The following SIK2 variants were observed in gnomAD, a reference collection of about 807,000 sequenced individuals.
SIK2 encodes serine/threonine-protein kinase SIK2.
A neutral mutation model predicts 103.2 loss-of-function variants in SIK2; 29 were observed. The observed-to-expected ratio is 0.28, with a 90% CI of 0.21 to 0.38. The LOEUF is 0.38. Among genes scored for constraint, SIK2 ranks in the 10% least tolerant of loss-of-function variants. SIK2 has a pLI of 1.00. For synonymous variants in SIK2, 412 were observed against 446.1 expected, an observed-to-expected ratio of 0.92 and a Z score of 0.96; for missense variants, 879 against 1,171.0, an observed-to-expected ratio of 0.75 and a Z score of 3.64.
At chr11:111,631,776 T>C (rs937293379) in intron 3 of SIK2, among the ~76,000 whole-genome samples, 2 of 152,194 alleles carry the variant, frequency 1.3e-5, no homozygotes, top group African/African-American at 2.4e-5. Flanking sequence ...GCCTTAGGTC[T>C]TTGCACTTTT....
intron 4 of SIK2, among the ~76,000 whole-genome samples, chr11:111,697,838 G>A (rs1591625021): frequency 6.6e-6 from 1 of 151,824 alleles, no homozygotes; most frequent in East Asian, 1.9e-4. Context: ...CCAAAAAAAG[G>A]AAAAGAAAAA....
At chr11:111,723,397 A>C (rs1425885322) in intron 14 of SIK2, 99 bp from the exon 15 acceptor site, 1 of 1,304,858 alleles carries the variant, frequency 7.7e-7, no homozygotes, top group African/African-American at 1.5e-5. Context: ...AGAGAGACTT[A>C]AGTAGAAGAC....
chr11:111,675,307 A>G (rs1344500256), intron 3 of SIK2, among the ~76,000 whole-genome samples: 1 of 152,196 alleles, frequency 6.6e-6, no homozygotes, highest in Non-Finnish European at 1.5e-5. Context: ...CACCTATTCT[A>G]CTGGGAGGCA....
At chr11:111,712,630 C>T (rs1943532339) in intron 9 of SIK2, among the ~76,000 whole-genome samples, 1 of 152,196 alleles carries the variant, frequency 6.6e-6, no homozygotes, top group South Asian at 2.1e-4. Context: ...GTCTTTCTCG[C>T]TCACTAATTC....
At chr11:111,699,475 T>TCC (rs1943159718) in intron 4 of SIK2, among the ~76,000 whole-genome samples, 1 of 152,184 alleles carries the variant, frequency 6.6e-6, no homozygotes, top group Non-Finnish European at 1.5e-5. Flanking sequence ...GCATCCTATC[T>TCC]GGGTAGGTGG....
intron 3 of SIK2, among the ~76,000 whole-genome samples, chr11:111,664,414 G>A (rs1247507994): frequency 6.6e-6 from 1 of 152,114 alleles, no homozygotes; most frequent in Non-Finnish European, 1.5e-5. Context: ...TCAGGAGTTG[G>A]TGACCAGCCT....
chr11:111,676,235 T>A (rs1196972854), intron 3 of SIK2, among the ~76,000 whole-genome samples: 1 of 152,254 alleles, frequency 6.6e-6, no homozygotes, highest in Non-Finnish European at 1.5e-5. Context: ...CATGCATATG[T>A]CTTTCTGGTA....
intron 4 of SIK2, among the ~76,000 whole-genome samples, chr11:111,694,791 G>A (rs1280166453): frequency 9.9e-5 from 15 of 152,088 alleles, no homozygotes; most frequent in Admixed American, 8.5e-4. Context: ...AAAGGGTTTG[G>A]TTTGATTTGA....
chr11:111,713,670 A>T (rs1325951787), intron 9 of SIK2, among the ~76,000 whole-genome samples: 1 of 152,192 alleles, frequency 6.6e-6, no homozygotes, highest in Admixed American at 6.5e-5. Context: ...GAATAAATTG[A>T]TAAAAGATAA....
At position 111,701,924 on chromosome 11, in the gene SIK2, T is replaced by A. The variant is rs183826729; in HGVS notation, c.727+349T>A. Among the ~76,000 whole-genome samples the A allele has an allele frequency of 2.0e-3, 308 of 152,316 alleles. 5 individuals carry two copies. The South Asian group carries it at 0.027, about 14-fold the overall frequency. ...TGAAATGAACTTTATAAAATTAAAA[T>A]TTTTTTAATTAAATAAAAAGCCAAA... On this transcript the variant is annotated intron_variant, in intron 6 of 14. Transcript: ENST00000304987. This position sits in a 1 kb window ranked among gnomAD's most constrained non-coding sequence, Gnocchi z 4.2.
chr11:111,714,495 G>A (rs554328095), intron 9 of SIK2, among the ~76,000 whole-genome samples: 2 of 152,300 alleles, frequency 1.3e-5, no homozygotes, highest in South Asian at 4.1e-4. Context: ...GGGAGAAACT[G>A]GTGACCAGGA....
intron 12 of SIK2, 87 bp downstream of exon 12, chr11:111,721,149 T>C: frequency 1.4e-6 from 2 of 1,462,304 alleles, no homozygotes; most frequent in South Asian, 2.7e-5. Context: ...CTTAGAGGAT[T>C]TCCTCCAGTC....
At chr11:111,642,147 G>A (rs55945818) in intron 3 of SIK2, among the ~76,000 whole-genome samples, 54,470 of 151,804 alleles carry the variant, frequency 0.36, 11,668 homozygotes, top group East Asian at 0.72. Flanking sequence ...GGGTGGAGGG[G>A]CTCCCTCCAC....
At chr11:111,671,216 C>A in intron 3 of SIK2, 1 of 262,286 alleles carries the variant, frequency 3.8e-6, no homozygotes, top group Non-Finnish European at 7.5e-6. Context: ...CTTTCCTTGC[C>A]CTGCAGCAGC....
Position 111,722,550 on chromosome 11 carries a change from C to T in SIK2, c.2056-115C>T, listed in dbSNP as rs1459827861. 31 of 993,654 alleles carry T rather than the reference C, an allele frequency of 3.1e-5. 2 individuals are homozygous for T. The South Asian group carries it at 3.8e-4, about 12-fold the overall frequency. The allele number at this position is 993,654 out of a possible 1,614,324, so 61.6% of individuals were successfully genotyped here. A position where few individuals can be genotyped will look rare whatever the true frequency, so the allele number is the denominator to read the frequency against. On this transcript the variant is annotated intron_variant, in intron 13 of 14. Transcript: ENST00000304987. The surrounding 1 kb of genome is among the most constrained non-coding windows in gnomAD (Gnocchi z 4.4). ...GGAGTAAATGTCAGTCCCTTCACCC[C>T]GTGTGGATTCTGTAGAATGCAGTTA...
chr11:111,663,006 G>A (rs1227236950), intron 3 of SIK2, among the ~76,000 whole-genome samples: 3 of 151,958 alleles, frequency 2.0e-5, no homozygotes, highest in Non-Finnish European at 2.9e-5. Context: ...GCTGAGGCAC[G>A]TGGATTTCTT....
chr11:111,675,227 A>G (rs190579263), intron 3 of SIK2, among the ~76,000 whole-genome samples: 4 of 152,384 alleles, frequency 2.6e-5, no homozygotes, highest in Non-Finnish European at 5.9e-5. Context: ...GATGATAGAA[A>G]CATAGGAGAT....
At chr11:111,661,773 T>G (rs201688798) in intron 3 of SIK2, among the ~76,000 whole-genome samples, 6 of 151,890 alleles carry the variant, frequency 4.0e-5, no homozygotes, top group South Asian at 2.1e-4. Flanking sequence ...CAGGCAAGAG[T>G]GCATGTGCAG....
chr11:111,680,270 C>T (rs1436524608), intron 3 of SIK2, among the ~76,000 whole-genome samples: 2 of 152,028 alleles, frequency 1.3e-5, no homozygotes, highest in Non-Finnish European at 2.9e-5. Context: ...GCAAATTAGC[C>T]AGTTTTGATT....
Sources: gnomAD v4.1 joint callset for allele counts (sites outside exome capture counted in the v4.1 genomes callset) on GRCh38, gnomAD v4.1.1 for gene constraint, Gnocchi (gnomAD v3.1) non-coding constraint, MANE v1.5 for transcripts, NCBI Gene and HGNC (gene_info 2026-07-23, HGNC 2026-07-21) for gene names.